The following TUBA1C variants were observed in gnomAD, a reference collection of about 807,000 sequenced individuals.
TUBA1C encodes the protein tubulin alpha 1c.
A neutral mutation model predicts 34.9 loss-of-function variants in TUBA1C; 16 were observed. That is an observed-to-expected ratio of 0.46 (90% confidence interval 0.31 to 0.70). The LOEUF is 0.70. Among genes scored for constraint, TUBA1C ranks in the 30% least tolerant of loss-of-function variants. The pLI, the probability that TUBA1C is intolerant of heterozygous loss-of-function variation, is 0.05. For synonymous variants in TUBA1C, 177 were observed against 215.9 expected (o/e 0.82, Z 1.58); for missense variants, 329 against 587.3 (o/e 0.56, Z 4.55).
intron 1 of TUBA1C, among the ~76,000 whole-genome samples, chr12:49,236,253 C>A (rs1942554157): frequency 6.6e-6 from 1 of 152,218 alleles, no homozygotes; most frequent in South Asian, 2.1e-4. Flanking sequence ...TATACATATA[C>A]TTCAGCATGA....
chr12:49,248,397 C>T (rs144970172), intron 1 of TUBA1C, among the ~76,000 whole-genome samples: 59 of 151,490 alleles, frequency 3.9e-4, no homozygotes, highest in African/African-American at 1.4e-3. Context: ...AGGTGAAACC[C>T]GTCTCTACAA....
rs764409983 is a variant in TUBA1C, at chr12:49,272,517, C to T, written c.640C>T (p.Arg214Cys). 7 of 1,609,192 alleles carry T rather than the reference C, an allele frequency of 4.4e-6. 1 individual carries two copies. The South Asian group carries it at 4.4e-5, about 10-fold the overall frequency. ...VDNEAIYDIC[R>C]RNLDIERPTY... is the part of the protein sequence containing the mutation. ...CAATGAGGCCATCTATGACATCTGT[C>T]GTAGAAACCTCGATATCGAGCGCCC... The change falls in exon 4 of 4, where the codon CGT (arginine) becomes TGT (cysteine). Residue 214 changes from arginine (R) to cysteine (C), a missense_variant. Arg to Cys is a radical substitution (Grantham distance 180). Around this residue, in one of 4 missense-constraint regions of TUBA1C, gnomAD observed 140 missense variants for 289.8 expected, o/e 0.48. Transcript: ENST00000301072.
intron 1 of TUBA1C, among the ~76,000 whole-genome samples, chr12:49,268,481 G>A (rs908505582): frequency 5.9e-5 from 9 of 151,672 alleles, no homozygotes; most frequent in African/African-American, 2.2e-4. Context: ...GACCTCAAGT[G>A]ATCTGCTCAC....
intron 1 of TUBA1C, among the ~76,000 whole-genome samples, chr12:49,238,109 C>CA (rs759147395): frequency 0.033 from 3,447 of 103,488 alleles, 104 homozygotes; most frequent in African/African-American, 0.1. Flanking sequence ...GATTCCGCCT[C>CA]AAAAAAAAAA....
chr12:49,254,690 G>C lies in TUBA1C; in HGVS notation c.214-14775G>C, dbSNP rs141864381. ...CGGTAGTTTAGGGATTTTTATGGAG[G>C]CTTCATCACGTAGGCATGATCAGTT... is the stretch of plus-strand genomic sequence containing the variant. On this transcript the variant is annotated intron_variant, in intron 1 of 3. Transcript: ENST00000541364. Among the ~76,000 whole-genome samples, 183 of 152,072 alleles carry C rather than the reference G, an allele frequency of 1.2e-3. 2 individuals carry two copies. Among genetic ancestry groups the C allele is most frequent in the African/African-American group, 3.9e-3 (161 of 41,468 alleles).
At chr12:49,259,133 C>A (rs1942817679) in intron 1 of TUBA1C, among the ~76,000 whole-genome samples, 1 of 152,156 alleles carries the variant, frequency 6.6e-6, no homozygotes, top group Non-Finnish European at 1.5e-5. Flanking sequence ...AACTTCCAGT[C>A]CTGCAAGTTC....
At chr12:49,249,627 AG>A (rs1338726536) in intron 1 of TUBA1C, among the ~76,000 whole-genome samples, 1 of 152,164 alleles carries the variant, frequency 6.6e-6, no homozygotes, top group African/African-American at 2.4e-5. Context: ...TGGGAAGCAG[AG>A]GCAGGTGGAT....
At chr12:49,249,162 T>A (rs1163009306) in intron 1 of TUBA1C, among the ~76,000 whole-genome samples, 1 of 151,916 alleles carries the variant, frequency 6.6e-6, no homozygotes, top group Non-Finnish European at 1.5e-5. Context: ...GCGCGGTGGC[T>A]CATGCCTGTA....
chr12:49,266,409 G>T (rs1287004243), intron 1 of TUBA1C, among the ~76,000 whole-genome samples: 1 of 150,962 alleles, frequency 6.6e-6, no homozygotes, highest in South Asian at 2.1e-4. Context: ...CAGCCTGGGC[G>T]ACAGAGCAAG....
At chr12:49,259,755 T>C (rs1942824260) in intron 1 of TUBA1C, among the ~76,000 whole-genome samples, 1 of 152,254 alleles carries the variant, frequency 6.6e-6, no homozygotes, top group Non-Finnish European at 1.5e-5. Context: ...TTCCTAACTA[T>C]AATTTATGCA....
At chr12:49,270,086 T>C (rs1165608044) in intron 3 of TUBA1C, 110 bp downstream of exon 3, 2 of 1,588,094 alleles carry the variant, frequency 1.3e-6, no homozygotes, top group African/African-American at 2.7e-5. Context: ...GCATTGCAAC[T>C]AAAATGTATC....
At chr12:49,239,597 C>T (rs1688078571) in intron 1 of TUBA1C, among the ~76,000 whole-genome samples, 1 of 151,172 alleles carries the variant, frequency 6.6e-6, no homozygotes, top group South Asian at 2.1e-4. Context: ...ACTGAGATTT[C>T]ACCACTGCAC....
Position 49,273,385 on chromosome 12 carries a change from T to A in TUBA1C, c.*158T>A. 1.4e-6 allele frequency: 2 copies of A among 1,397,198 alleles called. No individual in the cohort carries two copies. The highest frequency in any genetic ancestry group is 2.0e-6 in the Non-Finnish European group (2 of 1,024,922). 86.6% of individuals were successfully genotyped at this position (1,397,198 alleles called of 1,614,324 possible). A position where few individuals can be genotyped will look rare whatever the true frequency, so the allele number is the denominator to read the frequency against. ...CCAGTTAAAGTTGGATGTATGAGGC[T>A]GGTAGATGAAACCACCTGAGTCGAG... is the stretch of plus-strand genomic sequence containing the variant. On this transcript the variant is annotated 3_prime_UTR_variant, in exon 4 of 4. Coordinates refer to ENST00000301072, the MANE Select transcript of TUBA1C (RefSeq NM_032704.5).
At chr12:49,241,898 C>T (rs1399731396) in intron 1 of TUBA1C, among the ~76,000 whole-genome samples, 2 of 152,062 alleles carry the variant, frequency 1.3e-5, no homozygotes, top group Non-Finnish European at 2.9e-5. Flanking sequence ...AATCCGCTCA[C>T]CTCAGCCTCC....
At chr12:49,270,756 G>A (rs566289381) in intron 3 of TUBA1C, among the ~76,000 whole-genome samples, 5 of 152,258 alleles carry the variant, frequency 3.3e-5, no homozygotes, top group African/African-American at 4.8e-5. Flanking sequence ...CAAGGTGGGC[G>A]GATCATGAGG....
chr12:49,271,539 A>C (rs1378453381), intron 3 of TUBA1C, among the ~76,000 whole-genome samples: 5 of 152,218 alleles, frequency 3.3e-5, no homozygotes, highest in Non-Finnish European at 7.3e-5. Flanking sequence ...TCTCAACCTA[A>C]GGTGATTACT....
intron 3 of TUBA1C, 24 bp downstream of exon 3, chr12:49,270,000 G>A: frequency 6.2e-7 from 1 of 1,614,236 alleles, no homozygotes; most frequent in Non-Finnish European, 8.5e-7. Flanking sequence ...TTTAAATAAA[G>A]TGGGATGAGA....
chr12:49,272,165 ATTT>A, intron 3 of TUBA1C, 85 bp from the exon 4 acceptor site: 1 of 1,526,276 alleles, frequency 6.6e-7, no homozygotes, highest in Non-Finnish European at 8.8e-7. Flanking sequence ...GTAGCCATAG[ATTT>A]ATAGAAGTCC....
chr12:49,270,484 A>T (rs1461786832), intron 3 of TUBA1C, among the ~76,000 whole-genome samples: 1 of 152,230 alleles, frequency 6.6e-6, no homozygotes, highest in Non-Finnish European at 1.5e-5. Context: ...CTCCTTAGGC[A>T]TGTGGGCAGC....
Sources: allele counts gnomAD v4.1 joint callset (sites outside exome capture counted in the v4.1 genomes callset), GRCh38; gene constraint gnomAD v4.1.1; regional missense constraint gnomAD v4.1.1; transcripts MANE v1.5; gene names NCBI Gene and HGNC (gene_info 2026-07-23, HGNC 2026-07-21).